The following ZNF141 variants were observed in gnomAD, a reference collection of about 807,000 sequenced individuals.
The protein encoded by ZNF141 is zinc finger protein 141 (clone pHZ-44).
In ZNF141, 7 loss-of-function variants were observed where a neutral mutation model predicts 11.3. That is an observed-to-expected ratio of 0.62 (90% CI 0.35 to 1.16). ZNF141 has a LOEUF of 1.16. Among genes scored for constraint, ZNF141 ranks in the 50% most tolerant of loss-of-function variants. The pLI is 0.02. For missense variants in ZNF141, 535 were observed against 554.0 expected, an observed-to-expected ratio of 0.97 and a Z score of 0.34; for synonymous variants, 183 against 190.7, an observed-to-expected ratio of 0.96 and a Z score of 0.33.
intron 1 of ZNF141, chr4:343,070 T>A (rs1421874641): frequency 1.5e-6 from 1 of 645,890 alleles, no homozygotes; most frequent in South Asian, 1.8e-5. Context: ...AAAAAGTATT[T>A]AAAAAGTTCC....
chr4:365,298 A>G (rs1437857058), intron 3 of ZNF141, among the ~76,000 whole-genome samples: 1 of 152,166 alleles, frequency 6.6e-6, no homozygotes, highest in East Asian at 1.9e-4. Flanking sequence ...AGGTGAGGTG[A>G]TGCCCCACCC....
intron 3 of ZNF141, among the ~76,000 whole-genome samples, chr4:363,381 A>G (rs1459451726): frequency 2.0e-5 from 3 of 152,114 alleles, no homozygotes; most frequent in Non-Finnish European, 4.4e-5. Flanking sequence ...CTCCTGCATG[A>G]TTGCCCTGGC....
intron 3 of ZNF141, among the ~76,000 whole-genome samples, chr4:353,744 G>A (rs1273584395): frequency 6.6e-6 from 1 of 152,184 alleles, no homozygotes; most frequent in East Asian, 1.9e-4. Flanking sequence ...TTACAAGCAT[G>A]AGCCACCACT....
At position 344,361 on chromosome 4, in the gene ZNF141, G is replaced by A. The variant is rs1560181016; in HGVS notation, c.157G>A (p.Val53Ile). The A allele has an allele frequency of 1.2e-6, 2 of 1,608,556 alleles. No homozygotes were observed. Among genetic ancestry groups the A allele is most frequent in the African/African-American group, 1.3e-5 (1 of 74,852 alleles). ...TGTTGCTATCTCTAACCCAGACCTG[G>A]TCACCTGTCTGGAGCAAAGAAAAGA... is the stretch of plus-strand genomic sequence containing the variant. ...LGVAISNPDL[V>I]TCLEQRKEPY... Residue 53 changes from valine (V) to isoleucine (I), a missense_variant, in exon 3 of 4, where the codon GTC (valine) becomes ATC (isoleucine). Val to Ile is a conservative substitution (Grantham distance 29, BLOSUM62 3). Coordinates refer to ENST00000240499, the MANE Select transcript of ZNF141 (RefSeq NM_003441.4).
chr4:362,562 G>A (rs965879877), intron 3 of ZNF141, among the ~76,000 whole-genome samples: 7 of 152,130 alleles, frequency 4.6e-5, no homozygotes, highest in African/African-American at 7.2e-5. Flanking sequence ...TGTATAAGGC[G>A]TAAGGAAGGG....
intron 3 of ZNF141, chr4:358,463 G>A (rs1306507463): frequency 4.5e-6 from 1 of 220,446 alleles, no homozygotes; most frequent in Admixed American, 5.5e-5. Context: ...TGGGATTACA[G>A]GTGTGAGCCA....
At chr4:349,678 G>A (rs1302877083) in intron 3 of ZNF141, among the ~76,000 whole-genome samples, 1 of 152,226 alleles carries the variant, frequency 6.6e-6, no homozygotes, top group Non-Finnish European at 1.5e-5. Context: ...TTGCAGAGAA[G>A]AAGGGTTGTA....
In ZNF141 at chr4:384,324, AAAG is replaced by A. The variant is rs1481102332; in HGVS notation, c.*10467_*10469del. 5 of 152,432 alleles carry A rather than the reference AAAG, an allele frequency of 3.3e-5. No individual in the cohort carries two copies. The highest frequency in any genetic ancestry group is 1.3e-4 in the Admixed American group (2 of 15,290). 9.4% of individuals were successfully genotyped at this position (152,432 alleles called of 1,614,324 possible). ...TCCTTGTTTACCATCTGATATTTGAAAAGAAGAGGAACCCCTGAGAAAGGAGGC... is the reference window on the plus strand; with the variant it reads ...TCCTTGTTTACCATCTGATATTTGAAAAGAGGAACCCCTGAGAAAGGAGGC... On this transcript the variant is annotated 3_prime_UTR_variant, in exon 4 of 4. Transcript: ENST00000240499.
intron 3 of ZNF141, among the ~76,000 whole-genome samples, chr4:360,221 TA>T (rs1287538591): frequency 6.6e-6 from 1 of 152,184 alleles, no homozygotes; most frequent in Non-Finnish European, 1.5e-5. Context: ...AAAGTGTGGG[TA>T]GGGAGCCTCC....
Position 378,342 on chromosome 4 carries a change from C to T in ZNF141, c.*4480C>T, listed in dbSNP as rs1483231558. ...GGAGTGCAGTGGTGCAATCTCAGCT[C>T]ACTGCAACCTCCGCCTCCCAGGTTC... On this transcript the variant is annotated 3_prime_UTR_variant, in exon 4 of 4. Coordinates refer to ENST00000240499, the MANE Select transcript of ZNF141 (RefSeq NM_003441.4). 2 of 152,152 alleles carry T rather than the reference C, an allele frequency of 1.3e-5. No homozygotes were observed. The highest frequency in any genetic ancestry group is 2.9e-5 in the Non-Finnish European group (2 of 68,058). The allele number at this position is 152,152 out of a possible 1,614,324, so 9.4% of individuals were successfully genotyped here. A position where few individuals can be genotyped will look rare whatever the true frequency, so the allele number is the denominator to read the frequency against.
chr4:355,052 CAT>C (rs1461405468), intron 3 of ZNF141, among the ~76,000 whole-genome samples: 2 of 151,778 alleles, frequency 1.3e-5, no homozygotes, highest in Admixed American at 6.6e-5. Flanking sequence ...GTTTAGTTAA[CAT>C]ATGTTTATAT....
intron 3 of ZNF141, among the ~76,000 whole-genome samples, chr4:366,524 GA>G (rs770127958): frequency 7.9e-5 from 12 of 152,098 alleles, no homozygotes; most frequent in Non-Finnish European, 1.8e-4. Flanking sequence ...GGCTGCTCTC[GA>G]ACTACTGACC....
chr4:372,429 C>G (rs1206622653), intron 3 of ZNF141, among the ~76,000 whole-genome samples: 1 of 152,152 alleles, frequency 6.6e-6, no homozygotes, highest in Non-Finnish European at 1.5e-5. Context: ...CTATGTGGCT[C>G]TTGGCATTTT....
intron 3 of ZNF141, among the ~76,000 whole-genome samples, chr4:362,996 C>G (rs571155274): frequency 6.6e-6 from 1 of 152,288 alleles, no homozygotes; most frequent in Non-Finnish European, 1.5e-5. Context: ...GATATTGATT[C>G]TTCCTATCCA....
chr4:346,198 A>C (rs1431653635), intron 3 of ZNF141, among the ~76,000 whole-genome samples: 2 of 152,242 alleles, frequency 1.3e-5, no homozygotes, highest in Non-Finnish European at 2.9e-5. Context: ...AGAGTTTAAA[A>C]GATAACGAGT....
chr4:339,450 C>A (rs1553848080), intron 1 of ZNF141, among the ~76,000 whole-genome samples: 1 of 152,216 alleles, frequency 6.6e-6, no homozygotes, highest in Non-Finnish European at 1.5e-5. Flanking sequence ...AATCCTCTTT[C>A]CTGTGCACAC....
intron 1 of ZNF141, among the ~76,000 whole-genome samples, chr4:340,344 C>A (rs1720987872): frequency 6.6e-6 from 1 of 152,234 alleles, no homozygotes; most frequent in Non-Finnish European, 1.5e-5. Flanking sequence ...ACAATCCCTT[C>A]TATAGCAGTT....
Position 372,887 on chromosome 4 carries a change from T to C in ZNF141, c.450T>C (p.Ser150=). 2 of 1,613,516 alleles carry C rather than the reference T, an allele frequency of 1.2e-6. No individual in the cohort carries two copies. Among genetic ancestry groups the C allele is most frequent in the South Asian group, 2.2e-5 (2 of 91,052 alleles). Residue 150 remains serine (S), a synonymous_variant, in exon 4 of 4, where the codon AGT becomes AGC. Coordinates refer to ENST00000240499, the MANE Select transcript of ZNF141 (RefSeq NM_003441.4). ...GCAAAATACTTCAGTGTAAAGCAAG[T>C]GTCAAAGTTGTTAGTAAATTTTCAA... ...TQSKILQCKA[S]VKVVSKFSNS... is the part of the protein sequence containing the mutation.
In ZNF141 at chr4:376,398, A is replaced by G. The variant is rs550791809; in HGVS notation, c.*2536A>G. Among the ~76,000 whole-genome samples the G allele has an allele frequency of 6.6e-6, 1 of 152,202 alleles. No individual in the cohort carries two copies. Among genetic ancestry groups the G allele is most frequent in the African/African-American group, 2.4e-5 (1 of 41,578 alleles). The stretch of plus-strand genomic sequence containing the variant: ...TTCTTATACAGGCATACAACATGTA[A>G]TATACCAGAGTAAATGAGTTATTCA... On this transcript the variant is annotated 3_prime_UTR_variant, in exon 4 of 4. Transcript: ENST00000240499.
Sources: gnomAD v4.1 joint callset for allele counts (sites outside exome capture counted in the v4.1 genomes callset) on GRCh38, gnomAD v4.1.1 for gene constraint, MANE v1.5 for transcripts, NCBI Gene and HGNC (gene_info 2026-07-23, HGNC 2026-07-21) for gene names.